Variants in KIFC1 observed in about 807,000 individuals in gnomAD.
The protein encoded by KIFC1 is kinesin family member C1, also known as kinesin-like protein KIFC1.
Under a neutral mutation model 66.6 loss-of-function variants are expected in KIFC1, and 37 were observed. That is an observed-to-expected ratio of 0.56 (90% CI 0.43 to 0.73). The LOEUF (loss-of-function observed/expected upper bound fraction) is 0.73. KIFC1 is among the 30% of genes least tolerant of loss of function. The probability of loss-of-function intolerance (pLI) is 0.00; values close to 1 mark genes in which losing one functional copy is unlikely to be tolerated. For missense variants in KIFC1, 721 were observed against 859.8 expected, an observed-to-expected ratio of 0.84 and a Z score of 2.02; for synonymous variants, 325 against 343.5, an observed-to-expected ratio of 0.95 and a Z score of 0.60.
chr6:33,402,090 T>A (rs1775402403), intron 3 of KIFC1, among the ~76,000 whole-genome samples: 1 of 152,148 alleles, frequency 6.6e-6, no homozygotes, highest in Non-Finnish European at 1.5e-5. Flanking sequence ...AAAATAACAA[T>A]AAAAAGTACA....
chr6:33,398,551 C>T (rs1354895995), intron 3 of KIFC1, among the ~76,000 whole-genome samples, 164 bp downstream of exon 3: 1 of 152,156 alleles, frequency 6.6e-6, no homozygotes, highest in African/African-American at 2.4e-5. Flanking sequence ...GCAACCTCCT[C>T]CTCCCAGGTT....
chr6:33,405,399 C>T lies in KIFC1; in HGVS notation c.1304C>T (p.Pro435Leu). 1 of 1,606,718 alleles carries T rather than the reference C, an allele frequency of 6.2e-7. No individual in the cohort carries two copies. Among genetic ancestry groups the T allele is most frequent in the Non-Finnish European group, 8.5e-7 (1 of 1,175,034 alleles). ...GACCCCCAGTTGGAGGGGCTGATCC[C>T]TCGGGCCCTGCGGCACCTCTTCTCT... ...GGDPQLEGLI[P>L]RALRHLFSVA... The change falls in exon 7 of 11, where the codon CCT becomes CTT. Residue 435 changes from proline to leucine, a missense_variant. Pro to Leu is a moderately conservative substitution (Grantham distance 98). Coordinates refer to ENST00000428849, the MANE Select transcript of KIFC1 (RefSeq NM_002263.4). This position sits in a 1 kb window ranked among gnomAD's most constrained non-coding sequence, Gnocchi z 5.4.
At chr6:33,409,044 T>C (rs1775780658) in intron 10 of KIFC1, among the ~76,000 whole-genome samples, 2 of 152,168 alleles carry the variant, frequency 1.3e-5, no homozygotes, top group African/African-American at 4.8e-5. Context: ...GGCGGGCGCC[T>C]GTAGTCTCAG....
In KIFC1 at chr6:33,405,140, A is replaced by G. The variant is rs747670554; in HGVS notation, c.1045A>G (p.Ser349Gly). 2.5e-6 allele frequency: 4 copies of G among 1,614,074 alleles called. No individual in the cohort carries two copies. Among genetic ancestry groups the G allele is most frequent in the South Asian group, 1.1e-5 (1 of 91,086 alleles). ...GGPSDPPTRLSLSRSDERRGT... is the reference protein window; with the variant it reads ...GGPSDPPTRLGLSRSDERRGT... ...GCCCTCTGATCCTCCAACCCGCCTT[A>G]GCCTCTCCCGGTCTGACGAGCGGCG... Residue 349 changes from serine (S) to glycine (G), a missense_variant, in exon 7 of 11, where the codon AGC becomes GGC. By Grantham distance (56) the Ser-to-Gly change is moderately conservative. Coordinates refer to ENST00000428849, the MANE Select transcript of KIFC1 (RefSeq NM_002263.4). This position sits in a 1 kb window ranked among gnomAD's most constrained non-coding sequence, Gnocchi z 5.4.
rs1282105914 is a variant in KIFC1, at chr6:33,403,550, TA to T, written c.355+17del. 3.1e-6 allele frequency: 5 copies of T among 1,613,490 alleles called. No individual in the cohort carries two copies. Among genetic ancestry groups the T allele is most frequent in the Non-Finnish European group, 3.4e-6 (4 of 1,179,424 alleles). ...GAAGTCTGGCAGTAAGTGACAAACATAACCACTGGGTGAGAGGCTGGGATAG... is the reference window on the plus strand; with the variant it reads ...GAAGTCTGGCAGTAAGTGACAAACATACCACTGGGTGAGAGGCTGGGATAG... On this transcript the variant is annotated intron_variant, in intron 5 of 10. Coordinates refer to ENST00000428849, the MANE Select transcript of KIFC1 (RefSeq NM_002263.4). This position sits in a 1 kb window ranked among gnomAD's most constrained non-coding sequence, Gnocchi z 4.6.
intron 3 of KIFC1, among the ~76,000 whole-genome samples, chr6:33,402,879 C>T (rs912539383): frequency 4.6e-5 from 7 of 152,012 alleles, no homozygotes; most frequent in African/African-American, 1.7e-4. Flanking sequence ...CCCAGCTACT[C>T]GGGAGGCTGA....
chr6:33,409,604 T>TTA, intron 10 of KIFC1, 42 bp from the exon 11 acceptor site: 1 of 1,594,202 alleles, frequency 6.3e-7, no homozygotes, highest in South Asian at 1.1e-5. Context: ...GTTGTATTGG[T>TTA]TACGCTGCAA....
chr6:33,404,175 G>T lies in KIFC1; in HGVS notation c.756+46G>T. 6.4e-7 allele frequency: 1 copy of T among 1,560,072 alleles called. No individual in the cohort carries two copies. Among genetic ancestry groups the T allele is most frequent in the Non-Finnish European group, 8.7e-7 (1 of 1,150,392 alleles). On this transcript the variant is annotated intron_variant, in intron 6 of 10. Coordinates refer to ENST00000428849, the MANE Select transcript of KIFC1 (RefSeq NM_002263.4). This position sits in a 1 kb window ranked among gnomAD's most constrained non-coding sequence, Gnocchi z 4.0. ...AGATGTCAGCCCCGCTTTCCTGGCA[G>T]AGGTCATGCCTCCCCTCCCTTCCAG...
intron 10 of KIFC1, among the ~76,000 whole-genome samples, chr6:33,408,985 G>A (rs1273693969): frequency 6.6e-6 from 1 of 152,140 alleles, no homozygotes; most frequent in African/African-American, 2.4e-5. Flanking sequence ...ATCCTAACAC[G>A]GTGAAACCCC....
At chr6:33,397,974 T>C in intron 1 of KIFC1, 55 bp from the exon 2 acceptor site, 1 of 1,591,602 alleles carries the variant, frequency 6.3e-7, no homozygotes, top group Non-Finnish European at 8.6e-7. Context: ...AGACAGGAAG[T>C]TCTTGGGACA....
Position 33,400,580 on chromosome 6 carries a change from G to A in KIFC1, c.250+2193G>A. On this transcript the variant is annotated intron_variant, in intron 3 of 10. Coordinates refer to ENST00000428849, the MANE Select transcript of KIFC1 (RefSeq NM_002263.4). This position sits in a 1 kb window ranked among gnomAD's most constrained non-coding sequence, Gnocchi z 4.3. ...ATGGTGGAGGCAGCTGGTGTCGGAT[G>A]AACCCAGATTCAGGATGACCGAAGA... 1 of 1,221,846 alleles carries A rather than the reference G, an allele frequency of 8.2e-7. No homozygotes were observed. Among genetic ancestry groups the A allele is most frequent in the Non-Finnish European group, 1.2e-6 (1 of 841,986 alleles). 75.7% of individuals were successfully genotyped at this position (1,221,846 alleles called of 1,614,324 possible).
rs996046954 is a variant in KIFC1, at chr6:33,403,596, G to C, written c.355+61G>C. On this transcript the variant is annotated intron_variant, in intron 5 of 10. Transcript: ENST00000428849. This position sits in a 1 kb window ranked among gnomAD's most constrained non-coding sequence, Gnocchi z 4.6. ...GGATAGGGAAGAGAAGATGGTGAGT[G>C]ACCAGAAAAATCCATTTGGTCTCTA... The C allele has an allele frequency of 6.3e-7, 1 of 1,595,464 alleles. No homozygotes were observed.
At chr6:33,391,674 C>T, upstream of KIFC1, 2 of 570,678 alleles carry the variant, frequency 3.5e-6, no homozygotes, top group Admixed American at 3.1e-5. Context: ...GCCTACCTCT[C>T]CTGCGCCTGC....
Position 33,406,990 on chromosome 6 carries a change from G to A in KIFC1, c.1977+115G>A. The A allele has an allele frequency of 6.7e-7, 1 of 1,499,662 alleles. No homozygotes were observed. The highest frequency in any genetic ancestry group is 1.3e-5 in the South Asian group (1 of 77,214). 92.9% of individuals were successfully genotyped at this position (1,499,662 alleles called of 1,614,324 possible). Reference sequence around the variant, plus strand: ...CACATTTGTGCAGAAAGGTTTTGCAGGTATCTGAGGCACTGCTCACCTGGT... The same window carrying A: ...CACATTTGTGCAGAAAGGTTTTGCAAGTATCTGAGGCACTGCTCACCTGGT... On this transcript the variant is annotated intron_variant, in intron 10 of 10. Transcript: ENST00000428849. The surrounding 1 kb of genome is among the most constrained non-coding windows in gnomAD (Gnocchi z 4.5).
Position 33,406,879 on chromosome 6 carries a change from C to G in KIFC1, c.1977+4C>G, listed in dbSNP as rs757108061. On this transcript the variant is annotated splice_donor_region_variant and intron_variant, in intron 10 of 10. Transcript: ENST00000428849. This position sits in a 1 kb window ranked among gnomAD's most constrained non-coding sequence, Gnocchi z 4.5. The stretch of plus-strand genomic sequence containing the variant: ...CTCTCTACGCTTTGCCTCCAAGGTG[C>G]GATTACCACCCGTCAGCCTTGTCAG... The G allele has an allele frequency of 3.7e-6, 6 of 1,614,008 alleles. No individual in the cohort carries two copies. Among genetic ancestry groups the G allele is most frequent in the Non-Finnish European group, 5.1e-6 (6 of 1,179,954 alleles).
Position 33,400,632 on chromosome 6 carries a change from C to G in KIFC1, c.250+2245C>G, listed in dbSNP as rs187750072. On this transcript the variant is annotated intron_variant, in intron 3 of 10. Coordinates refer to ENST00000428849, the MANE Select transcript of KIFC1 (RefSeq NM_002263.4). The surrounding 1 kb of genome is among the most constrained non-coding windows in gnomAD (Gnocchi z 4.3). ...AGTTGCACCTTGGCCTCCTCCGAGC[C>G]GAAAGCCGAGAGCTTCTCTCTCTTT... is the stretch of plus-strand genomic sequence containing the variant. 936 of 741,126 alleles carry G rather than the reference C, an allele frequency of 1.3e-3. 1 individual carries two copies. The highest frequency in any genetic ancestry group is 1.7e-3 in the Non-Finnish European group (761 of 444,138). 45.9% of individuals were successfully genotyped at this position (741,126 alleles called of 1,614,324 possible).
intron 3 of KIFC1, among the ~76,000 whole-genome samples, chr6:33,402,775 G>A (rs367891472): frequency 1.3e-5 from 2 of 151,590 alleles, no homozygotes; most frequent in South Asian, 2.1e-4. Context: ...ATCACCAGAG[G>A]TCAGGAGTTT....
In KIFC1 at chr6:33,404,256, T is replaced by A; in HGVS notation, c.756+127T>A. 1.1e-6 allele frequency: 1 copy of A among 882,606 alleles called. No individual in the cohort carries two copies. Among genetic ancestry groups the A allele is most frequent in the Non-Finnish European group, 1.7e-6 (1 of 588,508 alleles). The allele number at this position is 882,606 out of a possible 1,614,324, so 54.7% of individuals were successfully genotyped here. The stretch of plus-strand genomic sequence containing the variant: ...GAGCACCTATCTTTAGCAGTATAGG[T>A]GCTGCTGAAGATACCTCTCTCTTGA... On this transcript the variant is annotated intron_variant, in intron 6 of 10. Coordinates refer to ENST00000428849, the MANE Select transcript of KIFC1 (RefSeq NM_002263.4). This position sits in a 1 kb window ranked among gnomAD's most constrained non-coding sequence, Gnocchi z 4.0.
At chr6:33,395,657 C>T (rs963665802) in intron 1 of KIFC1, among the ~76,000 whole-genome samples, 2 of 152,102 alleles carry the variant, frequency 1.3e-5, no homozygotes, top group African/African-American at 4.8e-5. Context: ...ATAAACAAAC[C>T]TTTAAACACA....
Sources: gnomAD v4.1 joint callset for allele counts (sites outside exome capture counted in the v4.1 genomes callset) on GRCh38, gnomAD v4.1.1 for gene constraint, Gnocchi (gnomAD v3.1) non-coding constraint, MANE v1.5 for transcripts, NCBI Gene and HGNC (gene_info 2026-07-23, HGNC 2026-07-21) for gene names.